Variants in CDH12 observed in about 807,000 individuals in gnomAD.
CDH12 encodes the protein cadherin 12, also known as cadherin-12.
In CDH12, 41 loss-of-function variants were observed where a neutral mutation model predicts 74.1. The observed-to-expected ratio is 0.55, with a 90% CI of 0.43 to 0.72. The LOEUF (loss-of-function observed/expected upper bound fraction) is 0.72. Among genes scored for constraint, CDH12 ranks in the 30% least tolerant of loss-of-function variants. The pLI, the probability that CDH12 is intolerant of heterozygous loss-of-function variation, is 0.00. For missense variants in CDH12, 945 were observed against 977.2 expected, an observed-to-expected ratio of 0.97 and a Z score of 0.44; for synonymous variants, 399 against 355.0, an observed-to-expected ratio of 1.12 and a Z score of -1.39.
At chr5:22,822,130 G>A (rs1180636931) in intron 1 of CDH12, among the ~76,000 whole-genome samples, 1 of 152,096 alleles carries the variant, frequency 6.6e-6, no homozygotes, top group Non-Finnish European at 1.5e-5. Flanking sequence ...AAGCAATGGG[G>A]AAAGGATTCC....
At chr5:22,415,024 G>C (rs1157574336) in intron 2 of CDH12, among the ~76,000 whole-genome samples, 1 of 151,902 alleles carries the variant, frequency 6.6e-6, no homozygotes, top group Non-Finnish European at 1.5e-5. Context: ...TCACATATAG[G>C]GTGGATACAC....
intron 1 of CDH12, among the ~76,000 whole-genome samples, chr5:22,692,408 T>A (rs13169440): frequency 0.5 from 76,384 of 152,024 alleles, 19,817 homozygotes; most frequent in Non-Finnish European, 0.56. Flanking sequence ...CTTCACATCA[T>A]GGATCATGGG....
chr5:22,331,740 T>G (rs770300538), intron 3 of CDH12, among the ~76,000 whole-genome samples: 2 of 152,172 alleles, frequency 1.3e-5, no homozygotes, highest in Admixed American at 6.5e-5. Flanking sequence ...GCTGTTTTGA[T>G]GAAACTCAAA....
At chr5:22,808,050 C>A (rs977125040) in intron 1 of CDH12, among the ~76,000 whole-genome samples, 2 of 152,178 alleles carry the variant, frequency 1.3e-5, no homozygotes, top group African/African-American at 2.4e-5. Flanking sequence ...GTCCTATATG[C>A]GGACCTTGTT....
chr5:21,804,643 A>AAAACACACACACAC (rs1554032478), intron 9 of CDH12, among the ~76,000 whole-genome samples: 59 of 115,366 alleles, frequency 5.1e-4, no homozygotes, highest in African/African-American at 1.8e-3. Flanking sequence ...AGTGAATTAA[A>AAAACACACACACAC]ACACACACAC....
At chr5:22,213,236 T>C (rs1751644047) in intron 3 of CDH12, among the ~76,000 whole-genome samples, 1 of 152,052 alleles carries the variant, frequency 6.6e-6, no homozygotes, top group East Asian at 1.9e-4. Flanking sequence ...ACTCTCTGAA[T>C]TTATAAAAAG....
At chr5:22,590,600 A>C (rs893297314) in intron 1 of CDH12, among the ~76,000 whole-genome samples, 2 of 152,190 alleles carry the variant, frequency 1.3e-5, no homozygotes, top group African/African-American at 4.8e-5. Flanking sequence ...AATTTCTAAA[A>C]TTCATTCCAA....
At chr5:22,478,572 A>T (rs1746265961) in intron 2 of CDH12, among the ~76,000 whole-genome samples, 1 of 152,106 alleles carries the variant, frequency 6.6e-6, no homozygotes, top group African/African-American at 2.4e-5. Context: ...AAATTTAGCT[A>T]CCTCTGTCAA....
chr5:22,468,917 T>C (rs576551918), intron 2 of CDH12, among the ~76,000 whole-genome samples: 1 of 152,246 alleles, frequency 6.6e-6, no homozygotes, highest in African/African-American at 2.4e-5. Flanking sequence ...ACACTTTCTA[T>C]GTTCCTTTCA....
intron 3 of CDH12, among the ~76,000 whole-genome samples, chr5:22,397,462 T>C (rs892599863): frequency 6.6e-6 from 1 of 152,008 alleles, no homozygotes; most frequent in African/African-American, 2.4e-5. Context: ...CCAGGTTTTT[T>C]TTTTTTTTTT....
At chr5:22,086,387 C>T (rs909456041) in intron 4 of CDH12, among the ~76,000 whole-genome samples, 7 of 151,906 alleles carry the variant, frequency 4.6e-5, no homozygotes, top group African/African-American at 4.8e-5. Flanking sequence ...CTCTGTCACC[C>T]GGGCTGGAGT....
In CDH12 at chr5:21,983,946, G is replaced by A. The variant is rs184570251; in HGVS notation, c.232-8561C>T. ...TCATATTCTTATTTTGTGAACTGTG[G>A]GATTTCTTGAAACTTTTTGAAAACT... On this transcript the variant is annotated intron_variant, in intron 5 of 14. Coordinates refer to ENST00000382254, the MANE Select transcript of CDH12 (RefSeq NM_004061.5). Among the ~76,000 whole-genome samples the A allele has an allele frequency of 2.8e-3, 418 of 151,980 alleles. 1 individual carries two copies. Among genetic ancestry groups the A allele is most frequent in the Non-Finnish European group, 4.3e-3 (294 of 67,942 alleles).
chr5:21,833,189 A>T (rs868430886), intron 8 of CDH12, among the ~76,000 whole-genome samples: 88 of 28,274 alleles, frequency 3.1e-3, no homozygotes, highest in African/African-American at 6.1e-3. Context: ...ATATTATATA[A>T]CATATAATAT....
chr5:21,848,209 G>A (rs1033952564), intron 7 of CDH12, among the ~76,000 whole-genome samples: 2 of 152,030 alleles, frequency 1.3e-5, no homozygotes, highest in African/African-American at 4.8e-5. Context: ...TCATGAAAAT[G>A]TTTTTGATTA....
rs564385142 is a variant in CDH12, at chr5:22,028,772, A to C, written c.231+49674T>G. Among the ~76,000 whole-genome samples the C allele has an allele frequency of 3.9e-5, 6 of 152,300 alleles. No individual in the cohort carries two copies. In the East Asian group the frequency reaches 9.7e-4, roughly 25 times the overall value. ...ATTGGAAAAAACTACTTTAAAGTTC[A>C]TATGGAACCAAAAAAGAGCCCGCAT... On this transcript the variant is annotated intron_variant, in intron 5 of 14. Coordinates refer to ENST00000382254, the MANE Select transcript of CDH12 (RefSeq NM_004061.5).
At chr5:21,912,914 C>T (rs749153636) in intron 6 of CDH12, among the ~76,000 whole-genome samples, 6 of 152,180 alleles carry the variant, frequency 3.9e-5, no homozygotes, top group Non-Finnish European at 5.9e-5. Flanking sequence ...CTGATCTCTA[C>T]TTATTGCAGC....
rs1749909650 is a variant in CDH12, at chr5:21,842,228, T to G, written c.747A>C (p.Leu249Phe). ...TGATGTTGACTATTGTTGTTCCGGC[T>G]AATCCTCCAAGCTGTCCTCCCATAT... ...AKDMGGQLGG[L>F]AGTTIVNITL... Residue 249 changes from leucine to phenylalanine, a missense_variant, in exon 8 of 15, where the codon TTA (leucine) becomes TTC (phenylalanine). Coordinates refer to ENST00000382254, the MANE Select transcript of CDH12 (RefSeq NM_004061.5). 2 of 1,613,556 alleles carry G rather than the reference T, an allele frequency of 1.2e-6. No homozygotes were observed. Among genetic ancestry groups the G allele is most frequent in the Non-Finnish European group, 8.5e-7 (1 of 1,179,746 alleles).
chr5:22,223,917 C>A (rs147474638), intron 3 of CDH12, among the ~76,000 whole-genome samples: 76 of 151,990 alleles, frequency 5.0e-4, no homozygotes, highest in Admixed American at 1.5e-3. Flanking sequence ...CTAGAAGAAA[C>A]CAGGCATTAT....
At chr5:22,096,743 A>G (rs1561105683) in intron 4 of CDH12, among the ~76,000 whole-genome samples, 2 of 152,122 alleles carry the variant, frequency 1.3e-5, no homozygotes, top group Non-Finnish European at 2.9e-5. Context: ...CATCAAATAT[A>G]AAAACGCAGC....
Sources: gnomAD v4.1 joint callset for allele counts (sites outside exome capture counted in the v4.1 genomes callset) on GRCh38, gnomAD v4.1.1 for gene constraint, MANE v1.5 for transcripts, NCBI Gene and HGNC (gene_info 2026-07-23, HGNC 2026-07-21) for gene names.